Variants in GLB1L3 observed in about 807,000 individuals in gnomAD.
GLB1L3 encodes the protein galactosidase beta 1 like 3, also known as beta-galactosidase-1-like protein 3.
Under a neutral mutation model 89.5 loss-of-function variants are expected in GLB1L3, and 89 were observed. The ratio of observed to expected loss-of-function variants is 0.99; its 90% CI spans 0.84 to 1.19. GLB1L3 has a LOEUF of 1.19. Among genes scored for constraint, GLB1L3 ranks in the 50% most tolerant of loss-of-function variants. The probability of loss-of-function intolerance (pLI) is 0.00; values close to 1 mark genes in which losing one functional copy is unlikely to be tolerated. For synonymous variants in GLB1L3, 314 were observed against 312.3 expected, an observed-to-expected ratio of 1.01 and a Z score of -0.06; for missense variants, 812 against 813.3, an observed-to-expected ratio of 1.00 and a Z score of 0.02.
downstream of GLB1L3, among the ~76,000 whole-genome samples, chr11:134,321,561 C>T (rs928775286): frequency 2.6e-5 from 4 of 152,106 alleles, no homozygotes; most frequent in African/African-American, 9.7e-5. Context: ...AAATATGGCA[C>T]ATATACTCCA....
At chr11:134,311,432 T>A (rs1476423552) in intron 13 of GLB1L3, 3 of 443,246 alleles carry the variant, frequency 6.8e-6, no homozygotes, top group Non-Finnish European at 8.2e-6. Flanking sequence ...GAGATGCTCT[T>A]GTTTGGACTG....
chr11:134,291,534 G>C (rs1301987666), intron 7 of GLB1L3, among the ~76,000 whole-genome samples: 1 of 152,210 alleles, frequency 6.6e-6, no homozygotes, highest in East Asian at 1.9e-4. Context: ...ACCATGCCTG[G>C]CCTCTCCCAT....
chr11:134,312,374 A>G lies in GLB1L3; in HGVS notation c.1313A>G (p.Asn438Ser). Residue 438 changes from asparagine (N) to serine (S), a missense_variant, in exon 14 of 20, where the codon AAC (asparagine) becomes AGC (serine). Coordinates refer to ENST00000431683, the MANE Select transcript of GLB1L3 (RefSeq NM_001080407.3). Reference sequence around the variant, plus strand: ...CCAGTCAGGTCGCGTCAGCCCGTCAACATGGAGAACCTTCCCATAAACAAT... The same window carrying G: ...CCAGTCAGGTCGCGTCAGCCCGTCAGCATGGAGAACCTTCCCATAAACAAT... ...NEPVRSRQPV[N>S]MENLPINNGS... 1.2e-6 allele frequency: 2 copies of G among 1,613,818 alleles called. No individual in the cohort carries two copies. Among genetic ancestry groups the G allele is most frequent in the Non-Finnish European group, 1.7e-6 (2 of 1,179,878 alleles).
Position 134,289,295 on chromosome 11 carries a change from C to A in GLB1L3, c.729+405C>A, listed in dbSNP as rs1337065911. On this transcript the variant is annotated intron_variant, in intron 7 of 19. Coordinates refer to ENST00000431683, the MANE Select transcript of GLB1L3 (RefSeq NM_001080407.3). ...TCATGGTAAAGGTCTTTATCCTCAT[C>A]ATCTTCAGGTTAAACAGGCTGAGGG... 3.3e-5 allele frequency among the ~76,000 whole-genome samples: 5 copies of A among 152,188 alleles called. No homozygotes were observed. In the East Asian group the frequency reaches 9.6e-4, roughly 29 times the overall value.
Position 134,283,265 on chromosome 11 carries a change from C to T in GLB1L3, c.528-472C>T, listed in dbSNP as rs559945042. On this transcript the variant is annotated intron_variant, in intron 5 of 19. Transcript: ENST00000431683. ...TTTAGTGGAGACGGGAGTTTCGCCACGTTGGCCAGGCTGGTCTCGAACTCC... is the reference window on the plus strand; with the variant it reads ...TTTAGTGGAGACGGGAGTTTCGCCATGTTGGCCAGGCTGGTCTCGAACTCC... Among the ~76,000 whole-genome samples, 4 of 152,194 alleles carry T rather than the reference C, an allele frequency of 2.6e-5. No homozygotes were observed. In the East Asian group the frequency reaches 5.8e-4, roughly 22 times the overall value.
intron 18 of GLB1L3, 118 bp from the exon 19 acceptor site, chr11:134,318,513 C>G: frequency 3.0e-6 from 2 of 661,504 alleles, no homozygotes; most frequent in South Asian, 3.6e-5. Flanking sequence ...CCACTCTAAA[C>G]TCACCTTCAT....
intron 10 of GLB1L3, among the ~76,000 whole-genome samples, chr11:134,308,190 TCACCATCACCACTACCAC>T (rs1942311057): frequency 1.3e-5 from 1 of 79,090 alleles, no homozygotes; most frequent in Non-Finnish European, 2.4e-5. Flanking sequence ...ATCACCATCA[TCACCATCACCACTACCAC>T]CACCACCATC....
intron 6 of GLB1L3, among the ~76,000 whole-genome samples, chr11:134,286,463 A>G (rs1369984621): frequency 1.3e-5 from 2 of 152,138 alleles, no homozygotes; most frequent in African/African-American, 2.4e-5. Context: ...ACTCAGTGGC[A>G]GGAGTGAGCC....
Position 134,318,701 on chromosome 11 carries a change from A to G in GLB1L3, c.1850A>G (p.Lys617Arg), listed in dbSNP as rs1402665138. 1.9e-6 allele frequency: 3 copies of G among 1,613,200 alleles called. No individual in the cohort carries two copies. The Admixed American group carries it at 5.0e-5, about 27-fold the overall frequency. ...LGRYWNIGPQ[K>R]TLYLPGVWLH... ...CGATATTGGAATATTGGGCCTCAGA[A>G]AACACTGTACCTTCCTGGAGTTTGG... Residue 617 changes from lysine (K) to arginine (R), a missense_variant, in exon 19 of 20, where the codon AAA (lysine) becomes AGA (arginine). By Grantham distance (26) the Lys-to-Arg change is conservative (BLOSUM62 2). This residue lies in a region of GLB1L3 where 618 missense variants were observed against 604.0 expected (regional missense o/e 1.02). Transcript: ENST00000431683.
chr11:134,292,939 A>C, intron 8 of GLB1L3: 1 of 619,834 alleles, frequency 1.6e-6, no homozygotes, highest in Non-Finnish European at 2.9e-6. Context: ...TAATTTCAAC[A>C]GTGGGTGTCC....
Position 134,312,485 on chromosome 11 carries a change from C to T in GLB1L3, c.1424C>T (p.Ala475Val). 2.5e-6 allele frequency: 4 copies of T among 1,611,394 alleles called. No individual in the cohort carries two copies. Among genetic ancestry groups the T allele is most frequent in the Non-Finnish European group, 2.5e-6 (3 of 1,179,796 alleles). Residue 475 changes from alanine (A) to valine (V), a missense_variant, in exon 14 of 20, where the codon GCA (alanine) becomes GTA (valine). Physicochemically the swap from Ala to Val is moderately conservative, Grantham distance 64 (BLOSUM62 0). Coordinates refer to ENST00000431683, the MANE Select transcript of GLB1L3 (RefSeq NM_001080407.3). The stretch of plus-strand genomic sequence containing the variant: ...CTCCGTGCCCACGCTCATGACGTGG[C>T]ACAGGTAGGGCCAGCAGGCTGTCTG... ...GRLRAHAHDV[A>V]QVFLDETMIG...
At chr11:134,305,839 TA>T (rs1291843692) in intron 9 of GLB1L3, among the ~76,000 whole-genome samples, 1 of 152,084 alleles carries the variant, frequency 6.6e-6, no homozygotes, top group East Asian at 1.9e-4. Flanking sequence ...TCTTTGAAAT[TA>T]AAAATCTAAT....
chr11:134,320,988 G>A (rs1344093168), downstream of GLB1L3, among the ~76,000 whole-genome samples: 1 of 152,190 alleles, frequency 6.6e-6, no homozygotes, highest in African/African-American at 2.4e-5. Flanking sequence ...GGGAACCACA[G>A]TTGAGAAGAA....
intron 10 of GLB1L3, among the ~76,000 whole-genome samples, chr11:134,308,580 TC>T (rs1942527167): frequency 1.1e-5 from 1 of 94,094 alleles, no homozygotes; most frequent in Admixed American, 1.2e-4. Flanking sequence ...ACCATCACCA[TC>T]ACCATCATCA....
chr11:134,308,655 TCACCACCAC>T (rs1186746011), intron 10 of GLB1L3, among the ~76,000 whole-genome samples: 19 of 105,546 alleles, frequency 1.8e-4, no homozygotes, highest in African/African-American at 3.2e-4. Context: ...ACCACCATCA[TCACCACCAC>T]CACCACCACC....
Position 134,311,116 on chromosome 11 carries a change from C to T in GLB1L3, c.1233C>T (p.Pro411=), listed in dbSNP as rs373481581. Residue 411 remains proline (P), a synonymous_variant, in exon 13 of 20, where the codon CCC becomes CCT. Coordinates refer to ENST00000431683, the MANE Select transcript of GLB1L3 (RefSeq NM_001080407.3). ...TTCCTCCCAAGGCTGTGTATCCCCCCGTGAGACCGTCGCTGTACCTCCCGC... is the reference window on the plus strand; with the variant it reads ...TTCCTCCCAAGGCTGTGTATCCCCCTGTGAGACCGTCGCTGTACCTCCCGC... ...PKLPPKAVYP[P]VRPSLYLPLW... 6.0e-5 allele frequency: 97 copies of T among 1,613,810 alleles called. No individual in the cohort carries two copies. The highest frequency in any genetic ancestry group is 8.3e-5 in the Admixed American group (5 of 60,002).
At chr11:134,319,834 A>G (rs750166073), downstream of GLB1L3, among the ~76,000 whole-genome samples, 13 of 152,028 alleles carry the variant, frequency 8.6e-5, no homozygotes, top group South Asian at 2.1e-4. Flanking sequence ...CCCTTCAACT[A>G]TGTGTCTACA....
chr11:134,284,761 G>A (rs1041005498), intron 6 of GLB1L3, among the ~76,000 whole-genome samples: 21 of 151,596 alleles, frequency 1.4e-4, no homozygotes, highest in African/African-American at 4.6e-4. Flanking sequence ...AACAAAACTC[G>A]GGAATTCATA....
chr11:134,312,464 G>A lies in GLB1L3; in HGVS notation c.1403G>A (p.Arg468His), dbSNP rs572746894. ...TCCATCTGCTCCGGAGGCCGCCTCCGTGCCCACGCTCATGACGTGGCACAG... is the reference window on the plus strand; with the variant it reads ...TCCATCTGCTCCGGAGGCCGCCTCCATGCCCACGCTCATGACGTGGCACAG... ...EKSICSGGRL[R>H]AHAHDVAQVF... Residue 468 changes from arginine to histidine, a missense_variant, in exon 14 of 20, where the codon CGT becomes CAT. Physicochemically the swap from Arg to His is conservative, Grantham distance 29. Transcript: ENST00000431683. The A allele has an allele frequency of 1.4e-4, 232 of 1,612,930 alleles. 3 individuals are homozygous for A. In the South Asian group the frequency reaches 2.3e-3, roughly 16 times the overall value.
Sources: gnomAD v4.1 joint callset for allele counts (sites outside exome capture counted in the v4.1 genomes callset) on GRCh38, gnomAD v4.1.1 for gene constraint, gnomAD v4.1.1 regional missense constraint, MANE v1.5 for transcripts, NCBI Gene and HGNC (gene_info 2026-07-23, HGNC 2026-07-21) for gene names.